CHD1: variants seen among roughly 807,000 people sequenced by gnomAD.
CHD1 encodes the protein chromodomain helicase DNA binding protein 1, also known as ATP-dependent chromatin remodeler CHD1.
CHD1 carries 36 observed loss-of-function variants against 224.2 expected under a neutral mutation model. The observed-to-expected ratio is 0.16, with a 90% CI of 0.12 to 0.21. The LOEUF (loss-of-function observed/expected upper bound fraction) is 0.21, where lower values mean the gene tolerates loss of function less well. Ranked by LOEUF, CHD1 falls within the 10% of genes least tolerant of loss-of-function variation. The probability of loss-of-function intolerance (pLI) is 1.00; values close to 1 mark genes in which losing one functional copy is unlikely to be tolerated. For missense variants in CHD1, 1,378 were observed against 1,994.8 expected (o/e 0.69, Z 5.89); for synonymous variants, 668 against 658.3 (o/e 1.01, Z -0.23).
Position 98,876,510 on chromosome 5 carries a change from A to G in CHD1, c.3286T>C (p.Ser1096Pro), listed in dbSNP as rs572983052. ...EGRRSRSRRY[S>P]GSDSDSISEG... Reference sequence around the variant, plus strand: ...GAGATGGAATCACTATCAGATCCAGAGTATCTCCTACTTCTACTGCGCCTC... The same window carrying G: ...GAGATGGAATCACTATCAGATCCAGGGTATCTCCTACTTCTACTGCGCCTC... Residue 1096 changes from serine (S) to proline (P), a missense_variant, in exon 24 of 36, where the codon TCT (serine) becomes CCT (proline). Ser to Pro is a moderately conservative substitution (Grantham distance 74, BLOSUM62 -1). This residue lies in a region of CHD1 where 286 missense variants were observed against 445.1 expected (regional missense o/e 0.64). Coordinates refer to ENST00000614616, the MANE Select transcript of CHD1 (RefSeq NM_001270.4). 6.2e-7 allele frequency: 1 copy of G among 1,614,038 alleles called. No homozygotes were observed. Among genetic ancestry groups the G allele is most frequent in the African/African-American group, 1.3e-5 (1 of 75,058 alleles).
intron 2 of CHD1, among the ~76,000 whole-genome samples, chr5:98,919,210 C>G (rs1169797810): frequency 6.6e-5 from 10 of 152,138 alleles, no homozygotes; most frequent in Admixed American, 5.9e-4. Flanking sequence ...AGGAATTGTT[C>G]TGTACATTAC....
intron 5 of CHD1, among the ~76,000 whole-genome samples, chr5:98,902,372 A>C (rs114316287): frequency 0.018 from 2,742 of 152,210 alleles, 68 homozygotes; most frequent in African/African-American, 0.063. Flanking sequence ...GGAAAATAAA[A>C]GACAAGAAAA....
chr5:98,873,715 G>A lies in CHD1; in HGVS notation c.3449C>T (p.Ala1150Val), dbSNP rs1172367651. ...KFGGPLERLD[A>V]IARDAELVDK... Reference sequence around the variant, plus strand: ...AACTAACTCAGCATCTCGAGCAATTGCATCTAATCTGTAACAAAATAATCC... The same window carrying A: ...AACTAACTCAGCATCTCGAGCAATTACATCTAATCTGTAACAAAATAATCC... Residue 1150 changes from alanine to valine, a missense_variant, in exon 26 of 36, where the codon GCA becomes GTA. Ala to Val is a moderately conservative substitution (Grantham distance 64). Around this residue, in one of 16 missense-constraint regions of CHD1, gnomAD observed 286 missense variants for 445.1 expected, o/e 0.64. Coordinates refer to ENST00000614616, the MANE Select transcript of CHD1 (RefSeq NM_001270.4). 2 of 1,601,650 alleles carry A rather than the reference G, an allele frequency of 1.2e-6. No individual in the cohort carries two copies. The highest frequency in any genetic ancestry group is 1.1e-5 in the South Asian group (1 of 87,728).
intron 22 of CHD1, among the ~76,000 whole-genome samples, 183 bp from the exon 23 acceptor site, chr5:98,879,911 G>A (rs1171448685): frequency 6.6e-6 from 1 of 152,072 alleles, no homozygotes; most frequent in Non-Finnish European, 1.5e-5. Context: ...CAAACCAAAT[G>A]ACATCTAATA....
intron 27 of CHD1, 105 bp downstream of exon 27, chr5:98,872,309 TTCC>T: frequency 6.8e-7 from 1 of 1,470,902 alleles, no homozygotes; most frequent in East Asian, 2.3e-5. Context: ...GCTTTATTTC[TTCC>T]TTTTTTTTTT....
At position 98,925,862 on chromosome 5, in the gene CHD1, G is replaced by A. The variant is rs543079385; in HGVS notation, c.53+472C>T. ...TCAGCACTTGAAATATATCTAGTAT[G>A]ACTAAGTAAATTCTGAATATTTTGT... On this transcript the variant is annotated intron_variant, in intron 2 of 35. Transcript: ENST00000614616. Among the ~76,000 whole-genome samples, 16 of 150,882 alleles carry A rather than the reference G, an allele frequency of 1.1e-4. No individual in the cohort carries two copies. In the East Asian group the frequency reaches 3.1e-3, roughly 29 times the overall value.
intron 24 of CHD1, among the ~76,000 whole-genome samples, chr5:98,875,376 A>G (rs1418307482): frequency 6.6e-6 from 1 of 152,176 alleles, no homozygotes; most frequent in Non-Finnish European, 1.5e-5. Context: ...TTGTTTTAAA[A>G]ATTACTTCAT....
At chr5:98,910,885 A>G (rs1355911500) in intron 2 of CHD1, among the ~76,000 whole-genome samples, 6 of 151,800 alleles carry the variant, frequency 4.0e-5, no homozygotes, top group Non-Finnish European at 8.8e-5. Context: ...GTGATACAAA[A>G]AAAAATGGCC....
At chr5:98,893,926 C>T (rs556307009) in intron 13 of CHD1, among the ~76,000 whole-genome samples, 68 of 152,072 alleles carry the variant, frequency 4.5e-4, no homozygotes, top group African/African-American at 1.6e-3. Context: ...CAATAGAAGC[C>T]TCTATTAATG....
intron 10 of CHD1, among the ~76,000 whole-genome samples, chr5:98,897,950 C>T (rs1580459842): frequency 6.6e-6 from 1 of 152,174 alleles, no homozygotes; most frequent in South Asian, 2.1e-4. Flanking sequence ...CTGACAATCA[C>T]CATAACCAAC....
chr5:98,905,591 C>G (rs1482808761), intron 2 of CHD1, among the ~76,000 whole-genome samples: 1 of 152,160 alleles, frequency 6.6e-6, no homozygotes, highest in Non-Finnish European at 1.5e-5. Context: ...AAGTTTCCAT[C>G]TCTATCACTC....
chr5:98,889,040 C>G (rs1300579546), intron 16 of CHD1, 36 bp downstream of exon 16: 1 of 1,437,408 alleles, frequency 7.0e-7, no homozygotes, highest in East Asian at 2.3e-5. Flanking sequence ...ATTTCTAGAA[C>G]TTTATCACAA....
At chr5:98,917,299 C>CAAAAAAAAAAAAAAAAAAAA (rs70984334) in intron 2 of CHD1, among the ~76,000 whole-genome samples, 39 of 119,820 alleles carry the variant, frequency 3.3e-4, no homozygotes, top group African/African-American at 7.9e-4. Context: ...AACAAAGAAA[C>CAAAAAAAAAAAAAAAAAAAA]AAAAAAAAAA....
At chr5:98,913,438 G>A (rs1752548304) in intron 2 of CHD1, among the ~76,000 whole-genome samples, 1 of 152,252 alleles carries the variant, frequency 6.6e-6, no homozygotes, top group Non-Finnish European at 1.5e-5. Flanking sequence ...CTGTGCCACT[G>A]CACTATAGCC....
intron 14 of CHD1, 62 bp from the exon 15 acceptor site, chr5:98,892,775 G>C (rs1450201624): frequency 3.5e-6 from 4 of 1,157,754 alleles, no homozygotes; most frequent in Admixed American, 2.9e-5. Context: ...TGTTGTGTAT[G>C]AACTTTTTTT....
At chr5:98,876,340 A>T in intron 24 of CHD1, 58 bp downstream of exon 24, 1 of 1,516,430 alleles carries the variant, frequency 6.6e-7, no homozygotes, top group South Asian at 1.2e-5. Context: ...GCGTTTTTAC[A>T]TTTTAGTTTC....
chr5:98,927,017 T>C (rs888636337), intron 1 of CHD1, among the ~76,000 whole-genome samples: 1 of 151,288 alleles, frequency 6.6e-6, no homozygotes, highest in South Asian at 2.1e-4. Context: ...AACGCTCCCA[T>C]GGGAGGAACA....
chr5:98,927,321 G>A (rs944891805), intron 1 of CHD1, among the ~76,000 whole-genome samples: 14 of 151,452 alleles, frequency 9.2e-5, no homozygotes, highest in Non-Finnish European at 1.8e-4. Flanking sequence ...AATAAACAAA[G>A]GAGATCTCTG....
intron 28 of CHD1, among the ~76,000 whole-genome samples, chr5:98,871,336 T>A (rs1470876437): frequency 4.2e-5 from 2 of 48,104 alleles, no homozygotes; most frequent in African/African-American, 1.8e-4. Context: ...GGATAAACAA[T>A]AAGGAAGTTC....
Sources: gnomAD v4.1 joint callset for allele counts (sites outside exome capture counted in the v4.1 genomes callset) on GRCh38, gnomAD v4.1.1 for gene constraint, gnomAD v4.1.1 regional missense constraint, MANE v1.5 for transcripts, NCBI Gene and HGNC (gene_info 2026-07-23, HGNC 2026-07-21) for gene names.